TSHZ3: variants seen among roughly 807,000 people sequenced by gnomAD.
The protein encoded by TSHZ3 is teashirt homolog 3.
In TSHZ3, 10 loss-of-function variants were observed where a neutral mutation model predicts 64.5. That is an observed-to-expected ratio of 0.16 (90% CI 0.10 to 0.26). TSHZ3 has a LOEUF of 0.26. Ranked by LOEUF, TSHZ3 falls within the 10% of genes least tolerant of loss-of-function variation. The pLI, the probability that TSHZ3 is intolerant of heterozygous loss-of-function variation, is 1.00. For synonymous variants in TSHZ3, 608 were observed against 593.1 expected (o/e 1.03, Z -0.36); for missense variants, 1,242 against 1,421.7 (o/e 0.87, Z 2.03).
chr19:31,173,260 G>A (rs1049603008), intron 5 of TSHZ3, among the ~76,000 whole-genome samples: 3 of 152,170 alleles, frequency 2.0e-5, no homozygotes, highest in Non-Finnish European at 2.9e-5. Context: ...CAGATTAGAT[G>A]TGGGGTCTGA....
intron 1 of TSHZ3, among the ~76,000 whole-genome samples, chr19:31,293,528 TC>T (rs1976611008): frequency 6.6e-6 from 1 of 152,168 alleles, no homozygotes; most frequent in Non-Finnish European, 1.5e-5. Flanking sequence ...CACATTCCCC[TC>T]CCTGTCCTCC....
chr19:31,190,956 G>A (rs527388462), intron 5 of TSHZ3, among the ~76,000 whole-genome samples: 2 of 152,108 alleles, frequency 1.3e-5, no homozygotes, highest in South Asian at 2.1e-4. Flanking sequence ...ATTGAACAAT[G>A]TGGTAGAAGG....
intron 1 of TSHZ3, among the ~76,000 whole-genome samples, chr19:31,293,060 T>C (rs181136919): frequency 7.0e-6 from 1 of 143,112 alleles, no homozygotes; most frequent in Admixed American, 7.1e-5. Flanking sequence ...CATCCAAAAA[T>C]GTATCCATCC....
intron 5 of TSHZ3, among the ~76,000 whole-genome samples, chr19:31,202,144 C>A (rs1975096878): frequency 6.6e-6 from 1 of 151,322 alleles, no homozygotes; most frequent in Non-Finnish European, 1.5e-5. Context: ...CTGGCCTGGG[C>A]AACAGAGCGA....
intron 4 of TSHZ3, among the ~76,000 whole-genome samples, chr19:31,205,776 C>T (rs1048629620): frequency 6.6e-6 from 1 of 152,228 alleles, no homozygotes; most frequent in Non-Finnish European, 1.5e-5. Context: ...TCCAATCCTA[C>T]TCTTTGGAAC....
Position 31,319,387 on chromosome 19 carries a change from A to T in TSHZ3, c.40+29793T>A, listed in dbSNP as rs908528783. On this transcript the variant is annotated intron_variant, in intron 1 of 1. Transcript: ENST00000240587. ...AAACATTGTAAAGGTTTCATCAGTA[A>T]TTTTTTTTAAAAAAAGCTACTCATA... 1.4e-4 allele frequency among the ~76,000 whole-genome samples: 21 copies of T among 152,174 alleles called. 1 individual carries two copies. Among genetic ancestry groups the T allele is most frequent in the Admixed American group, 1.4e-3 (21 of 15,276 alleles).
rs1046365720 is a variant in TSHZ3, at chr19:31,276,249, ACTGT to A, written c.*294_*297del. The A allele has an allele frequency of 3.9e-5, 10 of 259,570 alleles. No homozygotes were observed. Among genetic ancestry groups the A allele is most frequent in the African/African-American group, 2.0e-4 (9 of 45,344 alleles). 16.1% of individuals were successfully genotyped at this position (259,570 alleles called of 1,614,324 possible). A position where few individuals can be genotyped will look rare whatever the true frequency, so the allele number is the denominator to read the frequency against. Reference sequence around the variant, plus strand: ...GATTCCGTTATAAATGCTTAATTAAACTGTCTGTTAATGCATGCAGCTTGAAGCA... The same window carrying A: ...GATTCCGTTATAAATGCTTAATTAAACTGTTAATGCATGCAGCTTGAAGCA... On this transcript the variant is annotated 3_prime_UTR_variant, in exon 2 of 2. Coordinates refer to ENST00000240587, the MANE Select transcript of TSHZ3 (RefSeq NM_020856.4).
At chr19:31,292,890 AACTCATCCATCCATCC>A (rs1976594574) in intron 1 of TSHZ3, among the ~76,000 whole-genome samples, 1 of 114,180 alleles carries the variant, frequency 8.8e-6, no homozygotes, top group Non-Finnish European at 1.9e-5. Context: ...TCCATTCAAA[AACTCATCCATCCATCC>A]ACCCATCCAT....
At chr19:31,165,804 C>T (rs1974443030) in intron 5 of TSHZ3, among the ~76,000 whole-genome samples, 1 of 152,168 alleles carries the variant, frequency 6.6e-6, no homozygotes, top group Admixed American at 6.5e-5. Flanking sequence ...ACATAAATCT[C>T]ATCATGAGAC....
chr19:31,293,183 A>G (rs1017184661), intron 1 of TSHZ3, among the ~76,000 whole-genome samples: 13 of 152,290 alleles, frequency 8.5e-5, no homozygotes, highest in African/African-American at 2.9e-4. Context: ...CTTTCATCCA[A>G]TATGTATTAG....
At chr19:31,229,026 G>T (rs2145174235) in intron 3 of TSHZ3, among the ~76,000 whole-genome samples, 1 of 152,310 alleles carries the variant, frequency 6.6e-6, no homozygotes, top group East Asian at 1.9e-4. Context: ...TCCTGACCCA[G>T]TGGTTTTAGA....
chr19:31,292,811 C>A (rs117049116), intron 1 of TSHZ3, among the ~76,000 whole-genome samples: 9,826 of 151,022 alleles, frequency 0.065, 413 homozygotes, highest in Non-Finnish European at 0.1. Context: ...TCCATCCAAA[C>A]ACCCATCCAT....
At position 31,275,940 on chromosome 19, in the gene TSHZ3, T is replaced by C. The variant is rs887068143; in HGVS notation, c.*607A>G. On this transcript the variant is annotated 3_prime_UTR_variant, in exon 2 of 2. Coordinates refer to ENST00000240587, the MANE Select transcript of TSHZ3 (RefSeq NM_020856.4). ...AATCACATTTTTTTTCATAAGAGAGTCTGAAATCTATACAATATATACATC... is the reference window on the plus strand; with the variant it reads ...AATCACATTTTTTTTCATAAGAGAGCCTGAAATCTATACAATATATACATC... 1.3e-5 allele frequency: 2 copies of C among 152,150 alleles called. No individual in the cohort carries two copies. Among genetic ancestry groups the C allele is most frequent in the African/African-American group, 4.8e-5 (2 of 41,242 alleles). The allele number at this position is 152,150 out of a possible 1,614,324, so 9.4% of individuals were successfully genotyped here. A position where few individuals can be genotyped will look rare whatever the true frequency, so the allele number is the denominator to read the frequency against.
chr19:31,240,744 T>C (rs960432413), intron 3 of TSHZ3, among the ~76,000 whole-genome samples: 4 of 152,166 alleles, frequency 2.6e-5, no homozygotes, highest in South Asian at 4.1e-4. Flanking sequence ...TGAAAAATGC[T>C]ATTGATTTAT....
intron 1 of TSHZ3, among the ~76,000 whole-genome samples, chr19:31,256,056 A>C (rs537763432): frequency 6.6e-6 from 1 of 152,140 alleles, no homozygotes. Context: ...GTGCATGGTC[A>C]TTCTTCATCA....
chr19:31,349,054 C>G (rs935225417), intron 1 of TSHZ3, 126 bp downstream of exon 1: 39 of 1,244,862 alleles, frequency 3.1e-5, no homozygotes, highest in Non-Finnish European at 3.6e-5. Flanking sequence ...AACAGGAGAG[C>G]GGCGCCCGGA....
At chr19:31,338,582 T>C (rs1271943360) in intron 1 of TSHZ3, among the ~76,000 whole-genome samples, 110 of 66,906 alleles carry the variant, frequency 1.6e-3, no homozygotes, top group Non-Finnish European at 4.0e-3. Context: ...TTTTTTTTTC[T>C]TTTTTTTTTT....
At chr19:31,215,372 T>C (rs1975312659) in intron 4 of TSHZ3, among the ~76,000 whole-genome samples, 1 of 152,148 alleles carries the variant, frequency 6.6e-6, no homozygotes, top group Non-Finnish European at 1.5e-5. Flanking sequence ...ACATCAATGC[T>C]ATACAAGTAA....
intron 1 of TSHZ3, among the ~76,000 whole-genome samples, chr19:31,304,081 T>C (rs1976800641): frequency 6.6e-6 from 1 of 152,048 alleles, no homozygotes; most frequent in Admixed American, 6.6e-5. Context: ...TTCAAGTGAT[T>C]GTTTTGCCTC....
Sources: allele counts gnomAD v4.1 joint callset (sites outside exome capture counted in the v4.1 genomes callset), GRCh38; gene constraint gnomAD v4.1.1; transcripts MANE v1.5; gene names NCBI Gene and HGNC (gene_info 2026-07-23, HGNC 2026-07-21).